Variants in PBRM1 observed in about 807,000 individuals in gnomAD.
PBRM1 encodes the protein polybromo 1, also known as protein polybromo-1.
In PBRM1, 27 loss-of-function variants were observed where a neutral mutation model predicts 194.5. That is an observed-to-expected ratio of 0.14 (90% CI 0.10 to 0.19). The LOEUF is 0.19. Ranked by LOEUF, PBRM1 falls within the 10% of genes least tolerant of loss-of-function variation. The pLI, the probability that PBRM1 is intolerant of heterozygous loss-of-function variation, is 1.00. For missense variants in PBRM1, 1,466 were observed against 2,077.2 expected (o/e 0.71, Z 5.72); for synonymous variants, 655 against 693.2 (o/e 0.94, Z 0.87).
chr3:52,632,279 C>T (rs1439232171), intron 11 of PBRM1, among the ~76,000 whole-genome samples: 2 of 151,986 alleles, frequency 1.3e-5, no homozygotes, highest in Non-Finnish European at 2.9e-5. Flanking sequence ...TTTTTTTTAG[C>T]TTTCACAGAA....
intron 14 of PBRM1, among the ~76,000 whole-genome samples, chr3:52,616,188 G>A (rs1457017092): frequency 3.9e-5 from 6 of 152,152 alleles, no homozygotes; most frequent in Non-Finnish European, 8.8e-5. Flanking sequence ...ACTGAGGACT[G>A]TGTAAACCCT....
At chr3:52,614,571 CTTTT>C (rs755634978) in intron 15 of PBRM1, among the ~76,000 whole-genome samples, 1 of 137,498 alleles carries the variant, frequency 7.3e-6, no homozygotes. Flanking sequence ...TTTTTCTTCC[CTTTT>C]TTTTTTTTTT....
chr3:52,595,832 C>A (rs1004838800), intron 17 of PBRM1, among the ~76,000 whole-genome samples: 1 of 152,146 alleles, frequency 6.6e-6, no homozygotes, highest in African/African-American at 2.4e-5. Flanking sequence ...TGGCAAGAGA[C>A]GGGGCTAATT....
At chr3:52,665,915 G>C (rs2096824624) in intron 3 of PBRM1, among the ~76,000 whole-genome samples, 1 of 152,158 alleles carries the variant, frequency 6.6e-6, no homozygotes, top group Non-Finnish European at 1.5e-5. Flanking sequence ...TTATTCTAAA[G>C]TCTTCGTATT....
chr3:52,550,259 C>T (rs572099058), intron 29 of PBRM1, among the ~76,000 whole-genome samples, 162 bp downstream of exon 31: 25 of 152,062 alleles, frequency 1.6e-4, no homozygotes, highest in South Asian at 1.0e-3. Context: ...CAGTGTGTTA[C>T]GTAAACATGC....
At chr3:52,606,768 C>T (rs1050651529) in intron 16 of PBRM1, among the ~76,000 whole-genome samples, 51 of 152,198 alleles carry the variant, frequency 3.4e-4, no homozygotes, top group Non-Finnish European at 2.4e-4. Context: ...TGTTCATCTT[C>T]CCACAGGTCT....
intron 7 of PBRM1, among the ~76,000 whole-genome samples, chr3:52,647,449 A>ATATATAT (rs2096337359): frequency 1.2e-5 from 1 of 82,118 alleles, no homozygotes; most frequent in Admixed American, 1.7e-4. Context: ...AAAAAAAAAA[A>ATATATAT]AAAAAAAAAT....
chr3:52,563,102 T>C (rs771578836), intron 24 of PBRM1, among the ~76,000 whole-genome samples, 181 bp downstream of exon 26: 1 of 152,186 alleles, frequency 6.6e-6, no homozygotes, highest in Non-Finnish European at 1.5e-5. Context: ...GGATGACATA[T>C]AATTTTTGTC....
intron 13 of PBRM1, among the ~76,000 whole-genome samples, chr3:52,624,318 G>A (rs1056089722): frequency 2.0e-5 from 3 of 152,206 alleles, no homozygotes; most frequent in Non-Finnish European, 2.9e-5. Flanking sequence ...CTCTGTGAAT[G>A]TCAGACGGCA....
chr3:52,577,226 T>A (rs2089890374), intron 21 of PBRM1, among the ~76,000 whole-genome samples: 1 of 151,054 alleles, frequency 6.6e-6, no homozygotes, highest in South Asian at 2.1e-4. Flanking sequence ...AGCTCAGGAG[T>A]TCAAGACCAG....
At chr3:52,597,206 T>C (rs1576423141) in intron 17 of PBRM1, among the ~76,000 whole-genome samples, 1 of 152,146 alleles carries the variant, frequency 6.6e-6, no homozygotes, top group Admixed American at 6.6e-5. Context: ...CAAGACTGTG[T>C]TTTCTACCCT....
intron 4 of PBRM1, among the ~76,000 whole-genome samples, chr3:52,661,790 T>C (rs1577922287): frequency 6.6e-6 from 1 of 152,234 alleles, no homozygotes; most frequent in Non-Finnish European, 1.5e-5. Flanking sequence ...ACATTCCAAC[T>C]TCTAATCACA....
At position 52,678,606 on chromosome 3, in the gene PBRM1, T is replaced by C. The variant is rs2097152873; in HGVS notation, c.139-9A>G. 1.3e-6 allele frequency: 2 copies of C among 1,561,694 alleles called. No homozygotes were observed. The highest frequency in any genetic ancestry group is 1.8e-6 in the Non-Finnish European group (2 of 1,133,934). Reference sequence around the variant, plus strand: ...TCATGGCACACGGCAATCTACACATTAGCAAAGGAGAAAAAAATCACTAAA... The same window carrying C: ...TCATGGCACACGGCAATCTACACATCAGCAAAGGAGAAAAAAATCACTAAA... On this transcript the variant is annotated splice_polypyrimidine_tract_variant and intron_variant, in intron 1 of 29. Coordinates refer to ENST00000296302, the Ensembl canonical transcript of PBRM1.
intron 16 of PBRM1, among the ~76,000 whole-genome samples, chr3:52,608,632 CTT>C (rs35189714): frequency 0.35 from 51,357 of 147,210 alleles, 9,750 homozygotes; most frequent in Admixed American, 0.47. Context: ...AGGTTTGTAT[CTT>C]TTTTTTTTTT....
chr3:52,583,544 A>C (rs775065400), intron 20 of PBRM1, among the ~76,000 whole-genome samples: 1 of 152,194 alleles, frequency 6.6e-6, no homozygotes, highest in Non-Finnish European at 1.5e-5. Context: ...GTTAACTAAT[A>C]CATGTTTTTT....
At chr3:52,592,501 C>G (rs952515864) in intron 17 of PBRM1, among the ~76,000 whole-genome samples, 81 of 152,272 alleles carry the variant, frequency 5.3e-4, no homozygotes, top group African/African-American at 1.9e-3. Flanking sequence ...CCTTGCATCC[C>G]AGGGATAAAG....
intron 3 of PBRM1, among the ~76,000 whole-genome samples, chr3:52,666,762 C>T (rs530093853): frequency 4.7e-4 from 71 of 151,120 alleles, no homozygotes; most frequent in African/African-American, 1.6e-3. Context: ...TGTGATGGTG[C>T]GCACCTGTAG....
At chr3:52,569,303 C>T (rs1360135696) in intron 22 of PBRM1, among the ~76,000 whole-genome samples, 1 of 151,886 alleles carries the variant, frequency 6.6e-6, no homozygotes, top group African/African-American at 2.4e-5. Flanking sequence ...CTCCGCCTCC[C>T]CGGTTCACCC....
intron 5 of PBRM1, among the ~76,000 whole-genome samples, chr3:52,655,858 C>A (rs758663541): frequency 2.0e-5 from 3 of 152,226 alleles, no homozygotes; most frequent in Non-Finnish European, 4.4e-5. Flanking sequence ...CAACAAGCAT[C>A]TTGCATATCT....
Sources: gnomAD v4.1 joint callset for allele counts (sites outside exome capture counted in the v4.1 genomes callset) on GRCh38, gnomAD v4.1.1 for gene constraint, MANE v1.5 for transcripts, NCBI Gene and HGNC (gene_info 2026-07-23, HGNC 2026-07-21) for gene names.